The following IL34 variants were observed in gnomAD, a reference collection of about 807,000 sequenced individuals.
The protein encoded by IL34 is interleukin 34, also known as interleukin-34.
IL34 carries 17 observed loss-of-function variants against 25.3 expected under a neutral mutation model. That is an observed-to-expected ratio of 0.67 (90% CI 0.46 to 1.01). IL34 has a LOEUF of 1.01. Among genes scored for constraint, IL34 ranks in the 50% least tolerant of loss-of-function variants. The pLI, the probability that IL34 is intolerant of heterozygous loss-of-function variation, is 0.00. For missense variants in IL34, 368 were observed against 312.9 expected (o/e 1.18, Z -1.33); for synonymous variants, 174 against 140.9 (o/e 1.23, Z -1.66).
chr16:70,645,224 G>A (rs1439870686), upstream of IL34, among the ~76,000 whole-genome samples: 1 of 152,090 alleles, frequency 6.6e-6, no homozygotes, highest in African/African-American at 2.4e-5. Flanking sequence ...AGCAGGCAGC[G>A]ACTGGGGCTG....
chr16:70,657,319 T>C, intron 4 of IL34, 198 bp downstream of exon 4: 1 of 595,702 alleles, frequency 1.7e-6, no homozygotes, highest in Non-Finnish European at 2.9e-6. Flanking sequence ...GTGGTGGTCA[T>C]GAGAGCCGGG....
At chr16:70,625,262 C>A (rs1279152404) in intron 1 of IL34, among the ~76,000 whole-genome samples, 1 of 151,258 alleles carries the variant, frequency 6.6e-6, no homozygotes. Context: ...GGAGGCAAAC[C>A]CAGAGAAAAG....
At chr16:70,581,309 C>A (rs1056531120) in intron 1 of IL34, among the ~76,000 whole-genome samples, 8 of 152,114 alleles carry the variant, frequency 5.3e-5, no homozygotes, top group Non-Finnish European at 1.2e-4. Context: ...CATCCCTGGA[C>A]GGGCAGCCTC....
intron 1 of IL34, among the ~76,000 whole-genome samples, chr16:70,628,308 A>T (rs1055724633): frequency 6.6e-6 from 1 of 152,152 alleles, no homozygotes; most frequent in Non-Finnish European, 1.5e-5. Context: ...AACACAGTAT[A>T]TCTTTTTCCA....
At chr16:70,651,224 G>T (rs898878634) in intron 1 of IL34, among the ~76,000 whole-genome samples, 4 of 152,110 alleles carry the variant, frequency 2.6e-5, no homozygotes, top group African/African-American at 4.8e-5. Context: ...AAAGAGGTCT[G>T]TGTTGTGAGA....
At chr16:70,630,316 C>T (rs2051490137) in intron 1 of IL34, among the ~76,000 whole-genome samples, 1 of 152,144 alleles carries the variant, frequency 6.6e-6, no homozygotes, top group Non-Finnish European at 1.5e-5. Context: ...CTGCTTATTG[C>T]AACATTTGCC....
chr16:70,596,319 A>G (rs2050822623), intron 1 of IL34, among the ~76,000 whole-genome samples: 1 of 152,182 alleles, frequency 6.6e-6, no homozygotes, highest in Non-Finnish European at 1.5e-5. Flanking sequence ...GGAGACACAG[A>G]TATTCAGACC....
At chr16:70,606,048 A>C (rs1267483287) in intron 1 of IL34, among the ~76,000 whole-genome samples, 1 of 144,792 alleles carries the variant, frequency 6.9e-6, no homozygotes, top group Non-Finnish European at 1.5e-5. Flanking sequence ...CCTGTTTTAG[A>C]GGAAGAAATT....
At position 70,656,967 on chromosome 16, in the gene IL34, C is replaced by T; in HGVS notation, c.248C>T (p.Ala83Val). The T allele has an allele frequency of 6.2e-7, 1 of 1,607,992 alleles. No individual in the cohort carries two copies. Among genetic ancestry groups the T allele is most frequent in the South Asian group, 1.1e-5 (1 of 90,450 alleles). ...ACTTCCCTGTTTCCGCAGCAGAGGG[C>T]CCAGGTGAGCGAGCGGGAGCTGCGG... ...RIANVTRLQRAQVSERELRYL... is the reference protein window; with the variant it reads ...RIANVTRLQRVQVSERELRYL... Residue 83 changes from alanine to valine, a missense_variant, in exon 4 of 6, where the codon GCC (alanine) becomes GTC (valine). Physicochemically the swap from Ala to Val is moderately conservative, Grantham distance 64. Transcript: ENST00000288098.
intron 2 of IL34, 45 bp downstream of exon 2, chr16:70,654,716 G>C: frequency 1.9e-6 from 3 of 1,560,752 alleles, no homozygotes; most frequent in South Asian, 1.2e-5. Flanking sequence ...CGCGTCCCGG[G>C]GTTCACCTGG....
At chr16:70,616,938 A>G (rs958397245) in intron 1 of IL34, among the ~76,000 whole-genome samples, 7 of 152,186 alleles carry the variant, frequency 4.6e-5, no homozygotes, top group African/African-American at 1.7e-4. Context: ...TATATTAATA[A>G]GAAAAATCAA....
chr16:70,631,333 C>T (rs1027415298), intron 1 of IL34, among the ~76,000 whole-genome samples: 3 of 152,148 alleles, frequency 2.0e-5, no homozygotes, highest in Non-Finnish European at 4.4e-5. Context: ...TGGTTTGATT[C>T]TCTTCGAGAA....
intron 1 of IL34, among the ~76,000 whole-genome samples, chr16:70,611,471 GAAC>G (rs1374876446): frequency 6.6e-6 from 1 of 152,114 alleles, no homozygotes; most frequent in Non-Finnish European, 1.5e-5. Context: ...GCCTCAAATA[GAAC>G]AACACTGTGG....
intron 1 of IL34, among the ~76,000 whole-genome samples, chr16:70,615,703 C>A (rs2051163273): frequency 6.6e-6 from 1 of 152,126 alleles, no homozygotes; most frequent in African/African-American, 2.4e-5. Flanking sequence ...GTAATCTCAG[C>A]ACTTTGGGAG....
chr16:70,654,378 C>A, intron 1 of IL34, 160 bp from the exon 2 acceptor site: 1 of 942,440 alleles, frequency 1.1e-6, no homozygotes, highest in Non-Finnish European at 1.5e-6. Context: ...GAGCCAGACC[C>A]CAGGGAAAGC....
chr16:70,630,761 C>A (rs537559619), intron 1 of IL34, among the ~76,000 whole-genome samples: 1 of 151,804 alleles, frequency 6.6e-6, no homozygotes, highest in South Asian at 2.1e-4. Context: ...TTTGTAGAGA[C>A]GGGGTTTCGC....
chr16:70,607,735 G>T (rs1311340851), intron 1 of IL34, among the ~76,000 whole-genome samples: 1 of 151,918 alleles, frequency 6.6e-6, no homozygotes, highest in African/African-American at 2.4e-5. Flanking sequence ...TCACTGAGAT[G>T]ACCATGTGGT....
At position 70,660,169 on chromosome 16, in the gene IL34, C is replaced by A. The variant is rs150579141; in HGVS notation, c.711C>A (p.Gly237=). Residue 237 remains glycine, a synonymous_variant, in exon 6 of 6, where the codon GGC becomes GGA. Coordinates refer to ENST00000288098, the MANE Select transcript of IL34 (RefSeq NM_001393494.1). ...CGGTGAGGCCGGTCAGGGCACAGGG[C>A]GAGGGCCTCTTGCCCTGAGCACCCT... The part of the protein sequence containing the change: ...TGSVRPVRAQ[G]EGLLP 6.3e-7 allele frequency: 1 copy of A among 1,594,362 alleles called. No homozygotes were observed. The highest frequency in any genetic ancestry group is 8.5e-7 in the Non-Finnish European group (1 of 1,171,460).
intron 1 of IL34, among the ~76,000 whole-genome samples, chr16:70,626,216 A>T (rs2051390199): frequency 6.6e-6 from 1 of 152,094 alleles, no homozygotes; most frequent in African/African-American, 2.4e-5. Context: ...TGTGCCTTTG[A>T]TATAAATTGC....
Sources: gnomAD v4.1 joint callset for allele counts (sites outside exome capture counted in the v4.1 genomes callset) on GRCh38, gnomAD v4.1.1 for gene constraint, MANE v1.5 for transcripts, NCBI Gene and HGNC (gene_info 2026-07-23, HGNC 2026-07-21) for gene names.